The following ZNF226 variants were observed in gnomAD, a reference collection of about 807,000 sequenced individuals.
ZNF226 encodes the protein zinc finger protein 226.
In ZNF226, 6 loss-of-function variants were observed where a neutral mutation model predicts 11.4. The ratio of observed to expected loss-of-function variants is 0.53; its 90% CI spans 0.29 to 1.04. The LOEUF (loss-of-function observed/expected upper bound fraction) is 1.04, where lower values mean the gene tolerates loss of function less well. Ranked by LOEUF, ZNF226 falls within the 50% of genes least tolerant of loss-of-function variation. The probability of loss-of-function intolerance (pLI) is 0.08; values close to 1 mark genes in which losing one functional copy is unlikely to be tolerated. For synonymous variants in ZNF226, 350 were observed against 322.8 expected (o/e 1.08, Z -0.90); for missense variants, 1,058 against 956.5 (o/e 1.11, Z -1.40).
chr19:44,192,310 G>A, the ZNF226 span, among the ~76,000 whole-genome samples: 189 of 152,254 alleles, frequency 1.2e-3, 1 homozygote, highest in East Asian at 0.013. Context: ...GCGAGAGAGC[G>A]AGAGAAGCAA....
At position 44,172,889 on chromosome 19, in the gene ZNF226, C is replaced by G. The variant is rs1393415185; in HGVS notation, c.172C>G (p.Pro58Ala). ...TCCACCCTTCAAACAAGATGTATCA[C>G]CTATAGAAAGAAATGAGCAGCTTTG... ...GHPPFKQDVSPIERNEQLWIM... is the reference protein window; with the variant it reads ...GHPPFKQDVSAIERNEQLWIM... Residue 58 changes from proline (P) to alanine (A), a missense_variant, in exon 5 of 6, where the codon CCT (proline) becomes GCT (alanine). Transcript: ENST00000337433. The G allele has an allele frequency of 5.6e-6, 9 of 1,605,718 alleles. 1 individual carries two copies. The South Asian group carries it at 1.0e-4, about 18-fold the overall frequency.
At chr19:44,185,993 C>T in the ZNF226 span, among the ~76,000 whole-genome samples, 1 of 151,948 alleles carries the variant, frequency 6.6e-6, no homozygotes, top group Non-Finnish European at 1.5e-5. Flanking sequence ...CCAGTTTTCC[C>T]ATTACCATTT....
At position 44,175,563 on chromosome 19, in the gene ZNF226, T is replaced by G; in HGVS notation, c.301T>G (p.Trp101Gly). 1 of 1,612,674 alleles carries G rather than the reference T, an allele frequency of 6.2e-7. No individual in the cohort carries two copies. The highest frequency in any genetic ancestry group is 1.7e-4 in the Middle Eastern group (1 of 6,058). Residue 101 changes from tryptophan (W) to glycine (G), a missense_variant, in exon 6 of 6, where the codon TGG (tryptophan) becomes GGG (glycine). Transcript: ENST00000337433. ...AGAATCAGAAGAAGAGCTTTCTTGT[T>G]GGCAAATCTGGCAACAAATTGCAAA... ...DRESEEELSCWQIWQQIANDL... is the reference protein window; with the variant it reads ...DRESEEELSCGQIWQQIANDL...
the ZNF226 span, among the ~76,000 whole-genome samples, chr19:44,197,907 G>A: frequency 3.2e-3 from 492 of 151,972 alleles, 1 homozygote; most frequent in African/African-American, 0.011. Context: ...TTAAAAAATC[G>A]TTGCCAACAT....
At chr19:44,168,847 G>T (rs1478592879) in intron 2 of ZNF226, among the ~76,000 whole-genome samples, 1 of 151,936 alleles carries the variant, frequency 6.6e-6, no homozygotes, top group African/African-American at 2.4e-5. Flanking sequence ...AAACTCACCA[G>T]TTTTTAGCAG....
the ZNF226 span, among the ~76,000 whole-genome samples, chr19:44,185,174 G>A: frequency 6.6e-6 from 1 of 152,200 alleles, no homozygotes; most frequent in South Asian, 2.1e-4. Context: ...TCTGTCAATG[G>A]ACAGTTGGAT....
In ZNF226 at chr19:44,175,849, T is replaced by A; in HGVS notation, c.587T>A (p.Leu196Ter). 5 of 1,613,140 alleles carry A rather than the reference T, an allele frequency of 3.1e-6. No individual in the cohort carries two copies. Among genetic ancestry groups the A allele is most frequent in the Non-Finnish European group, 4.2e-6 (5 of 1,179,304 alleles). Reference protein sequence around the residue: ...RDQQISIKNKLCQCKKGVDPI... With the variant: ...RDQQISIKNK ...CAGCAAATTTCCATAAAAAATAAAT[T>A]ATGTCAATGTAAGAAGGGTGTTGAT... The change falls in exon 6 of 6, where the codon TTA (leucine) becomes TAA (stop). Residue 196 changes from leucine (L) to a stop codon, truncating the protein, a stop_gained. Coordinates refer to ENST00000337433, the MANE Select transcript of ZNF226 (RefSeq NM_001032373.2). LOFTEE classifies it low-confidence loss of function (END_TRUNC).
At chr19:44,198,005 A>G in the ZNF226 span, among the ~76,000 whole-genome samples, 1 of 152,194 alleles carries the variant, frequency 6.6e-6, no homozygotes, top group African/African-American at 2.4e-5. Flanking sequence ...TGATATTTAC[A>G]TATGGGATGT....
downstream of ZNF226, among the ~76,000 whole-genome samples, chr19:44,179,707 C>G (rs1019364585): frequency 6.6e-6 from 1 of 152,030 alleles, no homozygotes; most frequent in Admixed American, 6.6e-5. Flanking sequence ...TTTTCAAGTG[C>G]TTGGTCTGAT....
chr19:44,172,788 T>C, intron 4 of ZNF226, 72 bp from the exon 5 acceptor site: 1 of 1,279,542 alleles, frequency 7.8e-7, no homozygotes, highest in Non-Finnish European at 1.1e-6. Flanking sequence ...AATGTGCAGT[T>C]GCAACTCAGA....
chr19:44,170,117 C>T, intron 3 of ZNF226, 22 bp downstream of exon 3: 1 of 1,610,364 alleles, frequency 6.2e-7, no homozygotes, highest in South Asian at 1.1e-5. Context: ...TTGCCTTTCC[C>T]AGCTGTTAAA....
At chr19:44,191,919 C>T in the ZNF226 span, among the ~76,000 whole-genome samples, 1 of 152,068 alleles carries the variant, frequency 6.6e-6, no homozygotes, top group Non-Finnish European at 1.5e-5. Context: ...ATTTAAAAAC[C>T]CCTTGTGATT....
chr19:44,185,050 AG>A, the ZNF226 span, among the ~76,000 whole-genome samples: 1 of 152,164 alleles, frequency 6.6e-6, no homozygotes, highest in Non-Finnish European at 1.5e-5. Context: ...TATTTCACTT[AG>A]CATAATGTTC....
chr19:44,180,464 A>G (rs976788951), downstream of ZNF226, among the ~76,000 whole-genome samples: 1 of 152,204 alleles, frequency 6.6e-6, no homozygotes, highest in Non-Finnish European at 1.5e-5. Flanking sequence ...TAGATATCAG[A>G]AATCCTGAGT....
intron 4 of ZNF226, chr19:44,172,593 T>C (rs576085621): frequency 4.3e-6 from 2 of 470,566 alleles, no homozygotes; most frequent in African/African-American, 4.0e-5. Context: ...GGCCAATTGC[T>C]TGAGTGATGT....
chr19:44,170,724 A>T (rs1969995577), intron 3 of ZNF226, among the ~76,000 whole-genome samples: 1 of 152,042 alleles, frequency 6.6e-6, no homozygotes, highest in South Asian at 2.1e-4. Context: ...ACAGAGCGAG[A>T]CTCCGTCTCA....
At chr19:44,184,530 C>G in the ZNF226 span, among the ~76,000 whole-genome samples, 1 of 151,182 alleles carries the variant, frequency 6.6e-6, no homozygotes. Flanking sequence ...TGCAGTGAGC[C>G]GAGATTGCGC....
chr19:44,177,020 A>T lies in ZNF226; in HGVS notation c.1758A>T (p.Pro586=). The T allele has an allele frequency of 6.2e-7, 1 of 1,614,108 alleles. No individual in the cohort carries two copies. The highest frequency in any genetic ancestry group is 8.5e-7 in the Non-Finnish European group (1 of 1,179,960). ...AGCTGATCCATACGGGTGAGAAACC[A>T]TACAAATGTGAAGAGTGTGGCAAGG... is the stretch of plus-strand genomic sequence containing the variant. ...IHQLIHTGEK[P]YKCEECGKGF... The change falls in exon 6 of 6, where the codon CCA becomes CCT. Residue 586 remains proline (P), a synonymous_variant. Transcript: ENST00000337433.
chr19:44,181,466 C>T (rs1018927513), downstream of ZNF226, among the ~76,000 whole-genome samples: 2 of 152,056 alleles, frequency 1.3e-5, no homozygotes, highest in African/African-American at 4.8e-5. Flanking sequence ...TCTATCTTAG[C>T]TTTTAGCTTG....
Sources: gnomAD v4.1 joint callset for allele counts (sites outside exome capture counted in the v4.1 genomes callset) on GRCh38, gnomAD v4.1.1 for gene constraint, MANE v1.5 for transcripts, NCBI Gene and HGNC (gene_info 2026-07-23, HGNC 2026-07-21) for gene names.